GGT1: variants seen among roughly 807,000 people sequenced by gnomAD.
GGT1 encodes gamma-glutamyltransferase 1.
GGT1 carries 21 observed loss-of-function variants against 56.0 expected under a neutral mutation model. That is an observed-to-expected ratio of 0.38 (90% CI 0.27 to 0.54). The LOEUF (loss-of-function observed/expected upper bound fraction) is 0.54. Ranked by LOEUF, GGT1 falls within the 20% of genes least tolerant of loss-of-function variation. The pLI, the probability that GGT1 is intolerant of heterozygous loss-of-function variation, is 0.82. For synonymous variants in GGT1, 238 were observed against 342.6 expected (o/e 0.69, Z 3.37); for missense variants, 466 against 787.0 (o/e 0.59, Z 4.88).
At chr22:24,609,545 A>G (rs1053235268) in intron 2 of GGT1, 3 of 165,502 alleles carry the variant, frequency 1.8e-5, no homozygotes, top group African/African-American at 7.2e-5. Context: ...CAGGGACTCC[A>G]TTCGTAGACC....
the GGT1 span, chr22:24,585,740 AG>A: frequency 4.2e-6 from 4 of 950,744 alleles, no homozygotes; most frequent in Non-Finnish European, 4.6e-6. Flanking sequence ...GCCACCTATG[AG>A]TCCATTCTTC....
upstream of GGT1, chr22:24,592,182 G>A (rs73402993): frequency 6.2e-3 from 2,542 of 408,172 alleles, 63 homozygotes; most frequent in African/African-American, 0.048. Context: ...AGCATCCTGG[G>A]ACAACCCAGG....
chr22:24,591,048 A>T (rs148190840), upstream of GGT1, among the ~76,000 whole-genome samples: 138 of 152,114 alleles, frequency 9.1e-4, no homozygotes, highest in Middle Eastern at 6.8e-3. Flanking sequence ...GTCTACTCCC[A>T]CAGGACTGGT....
At chr22:24,603,773 A>T (rs2045852854) in intron 1 of GGT1, among the ~76,000 whole-genome samples, 1 of 149,940 alleles carries the variant, frequency 6.7e-6, no homozygotes, top group Admixed American at 6.6e-5. Flanking sequence ...GCGGGGGGTC[A>T]GCTCTGGAGT....
chr22:24,595,252 G>C lies in GGT1; in HGVS notation c.-324+366G>C, dbSNP rs550639734. On this transcript the variant is annotated intron_variant, in intron 1 of 6. Coordinates refer to the GGT1 transcript ENST00000411974. Reference sequence around the variant, plus strand: ...GTGTCTGGGCCTAGATCCTTGGATGGGCTTTTCTCTGCCTGCTTGTGGGGT... The same window carrying C: ...GTGTCTGGGCCTAGATCCTTGGATGCGCTTTTCTCTGCCTGCTTGTGGGGT... Among the ~76,000 whole-genome samples, 3 of 152,306 alleles carry C rather than the reference G, an allele frequency of 2.0e-5. No homozygotes were observed. The South Asian group carries it at 6.2e-4, about 32-fold the overall frequency.
rs184853642 is a variant in GGT1, at chr22:24,603,537, G to A, written c.-429+10G>A. On this transcript the variant is annotated intron_variant, in intron 1 of 15. Coordinates refer to ENST00000400382, the MANE Select transcript of GGT1 (RefSeq NM_001288833.2). ...CAGAAGGATCCCACAGGTGGGCAGA[G>A]CCCTGGGTTCTTTATCCGACTGGGT... 2 of 152,518 alleles carry A rather than the reference G, an allele frequency of 1.3e-5. No homozygotes were observed. Among genetic ancestry groups the A allele is most frequent in the East Asian group, 3.9e-4 (2 of 5,188 alleles). The allele number at this position is 152,518 out of a possible 1,614,324, so 9.4% of individuals were successfully genotyped here. A position where few individuals can be genotyped will look rare whatever the true frequency, so the allele number is the denominator to read the frequency against.
the GGT1 span, chr22:24,586,186 G>A: frequency 2.0e-5 from 33 of 1,613,760 alleles, 1 homozygote; most frequent in East Asian, 2.9e-4. Flanking sequence ...GTCGGTTGCC[G>A]TTGAGCAGGA....
At chr22:24,618,939 CA>C (rs943460795) in intron 7 of GGT1, among the ~76,000 whole-genome samples, 3 of 152,058 alleles carry the variant, frequency 2.0e-5, no homozygotes, top group African/African-American at 7.2e-5. Flanking sequence ...GGTGTGTTTC[CA>C]ATGACCTCCT....
intron 6 of GGT1, 55 bp from the exon 7 acceptor site, chr22:24,614,986 C>T (rs1479667500): frequency 1.6e-5 from 25 of 1,516,816 alleles, no homozygotes; most frequent in Non-Finnish European, 2.2e-5. Flanking sequence ...TCCCCAGGCT[C>T]ACGTGGCATA....
At chr22:24,589,568 C>T in the GGT1 span, 1 of 482,836 alleles carries the variant, frequency 2.1e-6, no homozygotes. Context: ...GCCTGGTGCA[C>T]AGTGCTGCCA....
intron 1 of GGT1, among the ~76,000 whole-genome samples, chr22:24,597,509 C>T (rs2065087175): frequency 6.6e-6 from 1 of 152,032 alleles, no homozygotes; most frequent in African/African-American, 2.4e-5. Flanking sequence ...ACCCCATCTT[C>T]ACTAAAAAAT....
chr22:24,591,581 C>G (rs535470298), upstream of GGT1, among the ~76,000 whole-genome samples: 4 of 152,300 alleles, frequency 2.6e-5, no homozygotes, highest in East Asian at 7.7e-4. Context: ...GGATAGGCCC[C>G]GGCTGGACCT....
At chr22:24,618,523 G>A (rs1304679141) in intron 7 of GGT1, among the ~76,000 whole-genome samples, 6 of 152,198 alleles carry the variant, frequency 3.9e-5, no homozygotes, top group Admixed American at 6.5e-5. Context: ...CCTGGGAGGC[G>A]GAGGTTGTAG....
the GGT1 span, chr22:24,589,216 T>C: frequency 3.2e-6 from 4 of 1,252,584 alleles, no homozygotes; most frequent in Non-Finnish European, 4.2e-6. Context: ...GCTGTGTCGA[T>C]GCTCATGGCA....
chr22:24,589,687 C>G, the GGT1 span: 4 of 1,030,222 alleles, frequency 3.9e-6, no homozygotes, highest in Non-Finnish European at 5.5e-6. Context: ...AGGTCTCAGA[C>G]AGGGACAGTG....
At chr22:24,592,959 G>C, upstream of GGT1, 6 of 1,203,508 alleles carry the variant, frequency 5.0e-6, no homozygotes, top group Non-Finnish European at 6.2e-6. Flanking sequence ...GGCGCTCGTA[G>C]GGCGCGGGCC....
chr22:24,589,419 G>A, the GGT1 span: 86 of 1,019,588 alleles, frequency 8.4e-5, 1 homozygote, highest in Admixed American at 1.1e-4. Context: ...GGCTCTAGCC[G>A]AGAGCGGCTC....
intron 1 of GGT1, among the ~76,000 whole-genome samples, chr22:24,606,045 TCA>T (rs1569050132): frequency 0.053 from 4,770 of 89,254 alleles, 1,629 homozygotes; most frequent in African/African-American, 0.23. Flanking sequence ...ATATAATATA[TCA>T]TATATTATAT....
chr22:24,624,969 GT>G (rs1276746676), intron 11 of GGT1, among the ~76,000 whole-genome samples: 1 of 151,930 alleles, frequency 6.6e-6, no homozygotes, highest in Non-Finnish European at 1.5e-5. Flanking sequence ...CTCTCCTCGA[GT>G]TTTCATTTTG....
Sources: allele counts gnomAD v4.1 joint callset (sites outside exome capture counted in the v4.1 genomes callset), GRCh38; gene constraint gnomAD v4.1.1; transcripts MANE v1.5; gene names NCBI Gene and HGNC (gene_info 2026-07-23, HGNC 2026-07-21).